Variants in NOL12 observed in about 807,000 individuals in gnomAD.
NOL12 encodes nucleolar protein 12.
A neutral mutation model predicts 25.2 loss-of-function variants in NOL12; 21 were observed. The ratio of observed to expected loss-of-function variants is 0.83; its 90% confidence interval spans 0.59 to 1.20. The LOEUF (loss-of-function observed/expected upper bound fraction) is 1.20, where lower values mean the gene tolerates loss of function less well. Among genes scored for constraint, NOL12 ranks in the 50% most tolerant of loss-of-function variants. The pLI is 0.00. For synonymous variants in NOL12, 133 were observed against 113.8 expected (o/e 1.17, Z -1.08); for missense variants, 286 against 287.6 (o/e 0.99, Z 0.04).
rs941879187 is a variant in NOL12, at chr22:37,686,642, G to A, written c.83+167G>A. The A allele has an allele frequency of 1.0e-5, 10 of 985,224 alleles. No individual in the cohort carries two copies. In the African/African-American group the frequency reaches 1.7e-4, roughly 17 times the overall value. The allele number at this position is 985,224 out of a possible 1,614,324, so 61.0% of individuals were successfully genotyped here. On this transcript the variant is annotated intron_variant, in intron 1 of 5. Coordinates refer to ENST00000359114, the MANE Select transcript of NOL12 (RefSeq NM_024313.3). ...CCGCGTTCCCGCTTCTCCCTTCTCGGCCGCCACCTTCTCCCTTCTTGACCT... is the reference window on the plus strand; with the variant it reads ...CCGCGTTCCCGCTTCTCCCTTCTCGACCGCCACCTTCTCCCTTCTTGACCT...
rs1023782891 is a variant in NOL12, at chr22:37,686,772, A to C, written c.83+297A>C. 7 of 985,356 alleles carry C rather than the reference A, an allele frequency of 7.1e-6. No individual in the cohort carries two copies. In the African/African-American group the frequency reaches 1.0e-4, roughly 15 times the overall value. 61.0% of individuals were successfully genotyped at this position (985,356 alleles called of 1,614,324 possible). On this transcript the variant is annotated intron_variant, in intron 1 of 5. Transcript: ENST00000359114. Reference sequence around the variant, plus strand: ...CCAGCCCAGTCCATCGGTCCGGCACACAGCAGGCGCCCAGCCGTGGTTGAT... The same window carrying C: ...CCAGCCCAGTCCATCGGTCCGGCACCCAGCAGGCGCCCAGCCGTGGTTGAT...
At chr22:37,690,138 TC>T (rs1315855342) in intron 4 of NOL12, among the ~76,000 whole-genome samples, 2 of 152,048 alleles carry the variant, frequency 1.3e-5, no homozygotes, top group South Asian at 4.1e-4. Flanking sequence ...GCCATTGCAC[TC>T]CAGCCTGGGC....
intron 1 of NOL12, 27 bp downstream of exon 1, chr22:37,686,502 C>G (rs775803263): frequency 6.4e-7 from 1 of 1,564,490 alleles, no homozygotes; most frequent in Non-Finnish European, 8.6e-7. Flanking sequence ...GACCGGACTC[C>G]CCTCGAGCTG....
At chr22:37,690,418 G>A (rs189533657) in intron 4 of NOL12, among the ~76,000 whole-genome samples, 1 of 152,336 alleles carries the variant, frequency 6.6e-6, no homozygotes, top group Admixed American at 6.5e-5. Context: ...ACAAAGACAA[G>A]TCTTGTCCCC....
In NOL12 at chr22:37,688,953, CCT is replaced by C; in HGVS notation, c.346_347del (p.Ser116GlyfsTer11). 1 of 1,613,716 alleles carries C rather than the reference CCT, an allele frequency of 6.2e-7. No individual in the cohort carries two copies. Among genetic ancestry groups the C allele is most frequent in the South Asian group, 1.1e-5 (1 of 91,074 alleles). On this transcript the variant is annotated frameshift_variant, in exon 4 of 6. Coordinates refer to ENST00000359114, the MANE Select transcript of NOL12 (RefSeq NM_024313.3). LOFTEE classifies it high-confidence loss of function. ...VTVTTISDLD[L>X]SGARLLGLTP... Reference sequence around the variant, plus strand: ...CCGTGACCACCATCAGTGACCTGGACCTCTCGGGGGCCCGGCTGCTCGGGCTG... The same window carrying C: ...CCGTGACCACCATCAGTGACCTGGACCTCGGGGGCCCGGCTGCTCGGGCTG...
chr22:37,688,504 C>T, intron 3 of NOL12, 144 bp downstream of exon 3: 1 of 813,980 alleles, frequency 1.2e-6, no homozygotes, highest in South Asian at 1.5e-5. Flanking sequence ...CTAAGCACCT[C>T]TAAGTGCAAG....
At chr22:37,686,818 G>C (rs1203368051) in intron 1 of NOL12, 3 of 985,372 alleles carry the variant, frequency 3.0e-6, no homozygotes, top group Non-Finnish European at 3.6e-6. Context: ...CCAATGAAAT[G>C]AGAGTGGCTT....
intron 2 of NOL12, 131 bp from the exon 3 acceptor site, chr22:37,688,181 G>A: frequency 1.8e-6 from 2 of 1,132,422 alleles, no homozygotes; most frequent in South Asian, 2.6e-5. Flanking sequence ...TGGGAGTGAT[G>A]GAAGATGGAG....
rs937065289 is a variant in NOL12, at chr22:37,686,415, A to G, written c.23A>G (p.Lys8Arg). ...GCTATGGGCCGCAACAAGAAGAAGA[A>G]GCGAGATGGTGACGACCGGCGGCCG... MGRNKKK[K>R]RDGDDRRPRL... Residue 8 changes from lysine to arginine, a missense_variant, in exon 1 of 6, where the codon AAG (lysine) becomes AGG (arginine). Physicochemically the swap from Lys to Arg is conservative, Grantham distance 26 (BLOSUM62 2). Coordinates refer to ENST00000359114, the MANE Select transcript of NOL12 (RefSeq NM_024313.3). The G allele has an allele frequency of 1.2e-6, 2 of 1,605,786 alleles. No homozygotes were observed. Among genetic ancestry groups the G allele is most frequent in the South Asian group, 2.2e-5 (2 of 89,674 alleles).
rs1230230544 is a variant in NOL12, at chr22:37,686,741, C to A, written c.83+266C>A. 3 of 985,344 alleles carry A rather than the reference C, an allele frequency of 3.0e-6. No individual in the cohort carries two copies. In the African/African-American group the frequency reaches 5.2e-5, roughly 17 times the overall value. 61.0% of individuals were successfully genotyped at this position (985,344 alleles called of 1,614,324 possible). On this transcript the variant is annotated intron_variant, in intron 1 of 5. Transcript: ENST00000359114. ...GTCTCAGAGCAGTGGCTTCGACCAC[C>A]CTAGCCCAGCCCAGTCCATCGGTCC...
intron 4 of NOL12, among the ~76,000 whole-genome samples, chr22:37,689,417 A>C (rs1921966030): frequency 6.6e-6 from 1 of 152,294 alleles, no homozygotes; most frequent in South Asian, 2.1e-4. Flanking sequence ...TGCTTCACAA[A>C]AGGTAGCCGT....
chr22:37,686,482 G>A lies in NOL12; in HGVS notation c.83+7G>A, dbSNP rs1330013837. ...TCGACGAGGAGAAGAGGCGGTGAGT[G>A]GCAAAGCCGGACCGGACTCCCCTCG... is the stretch of plus-strand genomic sequence containing the variant. On this transcript the variant is annotated splice_region_variant and intron_variant, in intron 1 of 5. Coordinates refer to ENST00000359114, the MANE Select transcript of NOL12 (RefSeq NM_024313.3). 4 of 1,592,236 alleles carry A rather than the reference G, an allele frequency of 2.5e-6. No homozygotes were observed. The highest frequency in any genetic ancestry group is 1.4e-5 in the African/African-American group (1 of 73,908).
At position 37,688,021 on chromosome 22, in the gene NOL12, C is replaced by CG; in HGVS notation, c.189+6_189+7insG. On this transcript the variant is annotated splice_region_variant and intron_variant, in intron 2 of 5. Coordinates refer to ENST00000359114, the MANE Select transcript of NOL12 (RefSeq NM_024313.3). ...AGAGGAAGCTTCGGGAGGAGGTACG[C>CG]AGGGGGAAGGTGGGAGGGAGGTCTT... 1 of 1,541,782 alleles carries CG rather than the reference C, an allele frequency of 6.5e-7. No individual in the cohort carries two copies. The highest frequency in any genetic ancestry group is 8.8e-7 in the Non-Finnish European group (1 of 1,135,656).
rs1378377291 is a variant in NOL12 at position 37,686,349 on chromosome 22, C to T, written c.-44C>T. The T allele has an allele frequency of 1.3e-6, 2 of 1,558,490 alleles. No homozygotes were observed. The highest frequency in any genetic ancestry group is 1.7e-4 in the Middle Eastern group (1 of 5,960). ...CGCCCGGGAGGATGAGTACGCTACA[C>T]CCGGAAGTGTCTTCAGGGAGAGGAA... On this transcript the variant is annotated 5_prime_UTR_variant, in exon 1 of 6. Coordinates refer to ENST00000359114, the MANE Select transcript of NOL12 (RefSeq NM_024313.3).
In NOL12 at chr22:37,693,056, A is replaced by G. The variant is rs1263224514; in HGVS notation, c.*1720A>G. 3 of 213,800 alleles carry G rather than the reference A, an allele frequency of 1.4e-5. No homozygotes were observed. The highest frequency in any genetic ancestry group is 2.8e-5 in the Non-Finnish European group (3 of 108,380). 13.2% of individuals were successfully genotyped at this position (213,800 alleles called of 1,614,324 possible). On this transcript the variant is annotated 3_prime_UTR_variant, in exon 6 of 6. Transcript: ENST00000359114. ...CCACTTGGCTGCCTCGTGCCTGGGC[A>G]CAGTGGTGCCTATTATGGGCCCTCC...
rs761494936 is a variant in NOL12 at position 37,688,935 on chromosome 22, C to G, written c.324C>G (p.Thr108=). The change falls in exon 4 of 6, where the codon ACC becomes ACG. Residue 108 remains threonine (T), a synonymous_variant. Transcript: ENST00000359114. The part of the protein sequence containing the change: ...YDHPNHTVTV[T]TISDLDLSGA... The stretch of plus-strand genomic sequence containing the variant: ...ACCCCAACCACACAGTCACCGTGAC[C>G]ACCATCAGTGACCTGGACCTCTCGG... 5 of 1,613,950 alleles carry G rather than the reference C, an allele frequency of 3.1e-6. No homozygotes were observed. Among genetic ancestry groups the G allele is most frequent in the Non-Finnish European group, 3.4e-6 (4 of 1,179,976 alleles).
At chr22:37,687,134 G>C in intron 1 of NOL12, 1 of 975,532 alleles carries the variant, frequency 1.0e-6, no homozygotes, top group Non-Finnish European at 1.2e-6. Flanking sequence ...AGGTGTCCTG[G>C]GGACATGGGT....
chr22:37,692,582 C>T lies in NOL12; in HGVS notation c.*1246C>T. On this transcript the variant is annotated 3_prime_UTR_variant, in exon 6 of 6. Transcript: ENST00000359114. ...CTTGGTTAGAGGAGCTGTGTTGGGT[C>T]CTAAACACTAGGACCACAAAGGGGA... 2.5e-6 allele frequency: 1 copy of T among 398,672 alleles called. No homozygotes were observed. Among genetic ancestry groups the T allele is most frequent in the Non-Finnish European group, 4.4e-6 (1 of 226,126 alleles). 24.7% of individuals were successfully genotyped at this position (398,672 alleles called of 1,614,324 possible). A position where few individuals can be genotyped will look rare whatever the true frequency, so the allele number is the denominator to read the frequency against.
At position 37,686,444 on chromosome 22, in the gene NOL12, C is replaced by T. The variant is rs1047752176; in HGVS notation, c.52C>T (p.Leu18Phe). The T allele has an allele frequency of 3.7e-6, 6 of 1,605,444 alleles. No individual in the cohort carries two copies. In the East Asian group the frequency reaches 9.1e-5, roughly 24 times the overall value. Residue 18 changes from leucine (L) to phenylalanine (F), a missense_variant, in exon 1 of 6, where the codon CTC (leucine) becomes TTC (phenylalanine). Physicochemically the swap from Leu to Phe is conservative, Grantham distance 22. Coordinates refer to ENST00000359114, the MANE Select transcript of NOL12 (RefSeq NM_024313.3). ...KRDGDDRRPR[L>F]VLSFDEEKRR... ...AGATGGTGACGACCGGCGGCCGAGG[C>T]TCGTTCTTAGCTTCGACGAGGAGAA...
Sources: allele counts gnomAD v4.1 joint callset (sites outside exome capture counted in the v4.1 genomes callset), GRCh38; gene constraint gnomAD v4.1.1; transcripts MANE v1.5; gene names NCBI Gene and HGNC (gene_info 2026-07-23, HGNC 2026-07-21).